RBFOX1: variants seen among roughly 807,000 people sequenced by gnomAD.
The protein encoded by RBFOX1 is RNA binding protein fox-1 homolog 1.
In RBFOX1, 8 loss-of-function variants were observed where a neutral mutation model predicts 57.7. That is an observed-to-expected ratio of 0.14 (90% CI 0.08 to 0.25). The LOEUF is 0.25. RBFOX1 is among the 10% of genes least tolerant of loss of function. The pLI is 1.00. For missense variants in RBFOX1, 611 were observed against 548.5 expected, an observed-to-expected ratio of 1.11 and a Z score of -1.14; for synonymous variants, 326 against 222.4, an observed-to-expected ratio of 1.47 and a Z score of -4.15.
chr16:7,138,100 T>G (rs898168007), intron 4 of RBFOX1, among the ~76,000 whole-genome samples: 6 of 152,082 alleles, frequency 3.9e-5, no homozygotes, highest in African/African-American at 1.4e-4. Context: ...ACTCAGAGAT[T>G]CGTATCACAG....
intron 3 of RBFOX1, among the ~76,000 whole-genome samples, chr16:6,843,288 C>T (rs977011548): frequency 2.0e-5 from 3 of 151,904 alleles, no homozygotes; most frequent in African/African-American, 7.3e-5. Flanking sequence ...AAGGATGTCA[C>T]ACAGAGTGGC....
At chr16:5,654,674 C>G (rs925903223) in intron 3 of RBFOX1, among the ~76,000 whole-genome samples, 2 of 152,120 alleles carry the variant, frequency 1.3e-5, no homozygotes, top group African/African-American at 2.4e-5. Flanking sequence ...CATGACAGTC[C>G]GAGACTGACC....
chr16:7,021,885 T>C (rs948143223), intron 3 of RBFOX1, among the ~76,000 whole-genome samples: 9 of 120,526 alleles, frequency 7.5e-5, no homozygotes, highest in African/African-American at 3.1e-4. Context: ...TTCTCTCTCT[T>C]TCTTTCTTTC....
At chr16:7,608,755 T>C (rs1289893468) in intron 10 of RBFOX1, among the ~76,000 whole-genome samples, 2 of 152,234 alleles carry the variant, frequency 1.3e-5, no homozygotes, top group Non-Finnish European at 2.9e-5. Flanking sequence ...TTATTAGAAT[T>C]AAATGGGTTA....
At position 7,000,660 on chromosome 16, in the gene RBFOX1, A is replaced by C. The variant is rs1231801438; in HGVS notation, c.-15-51397A>C. 4.9e-5 allele frequency among the ~76,000 whole-genome samples: 6 copies of C among 121,668 alleles called. No individual in the cohort carries two copies. In the South Asian group the frequency reaches 1.1e-3, roughly 23 times the overall value. The allele number at this position is 121,668 out of a possible 152,430, so 79.8% of individuals were successfully genotyped here. On this transcript the variant is annotated intron_variant, in intron 3 of 15. Transcript: ENST00000550418. ...TCCTCTGTCGCCCAGGCTGGAGTGC[A>C]GTGGCATGATCTCGGCTCACTGCAA...
chr16:6,315,089 A>T (rs181606094), intron 1 of RBFOX1, among the ~76,000 whole-genome samples: 1 of 152,248 alleles, frequency 6.6e-6, no homozygotes, highest in African/African-American at 2.4e-5. Flanking sequence ...ACTTTGTGCT[A>T]AGCACAATGC....
intron 3 of RBFOX1, among the ~76,000 whole-genome samples, chr16:5,862,800 G>A (rs2057254859): frequency 6.6e-6 from 1 of 152,158 alleles, no homozygotes; most frequent in South Asian, 2.1e-4. Flanking sequence ...CCCTATAAAA[G>A]TTATACAGGG....
At chr16:5,693,148 C>A (rs1288871123) in intron 3 of RBFOX1, among the ~76,000 whole-genome samples, 3 of 152,106 alleles carry the variant, frequency 2.0e-5, no homozygotes, top group Non-Finnish European at 4.4e-5. Flanking sequence ...CTGTGAAGCA[C>A]ACAATCCTTC....
chr16:5,675,292 A>C lies in RBFOX1; in HGVS notation c.318+76331A>C, dbSNP rs188432448. On this transcript the variant is annotated intron_variant, in intron 3 of 19. Coordinates refer to the RBFOX1 transcript ENST00000641259. ...GAAAACACATTTTTGGGTTGTAAGG[A>C]ACAGAAGAAGGGATGAACCAGCCCA... Among the ~76,000 whole-genome samples, 857 of 152,274 alleles carry C rather than the reference A, an allele frequency of 5.6e-3. 3 individuals carry two copies. The highest frequency in any genetic ancestry group is 9.5e-3 in the Non-Finnish European group (647 of 68,018).
intron 4 of RBFOX1, among the ~76,000 whole-genome samples, chr16:5,995,148 T>C (rs538202379): frequency 6.6e-6 from 1 of 152,256 alleles, no homozygotes. Flanking sequence ...TTAAGTGTTT[T>C]AAAAACAACT....
intron 3 of RBFOX1, among the ~76,000 whole-genome samples, chr16:6,790,199 T>TTATTATTAC (rs1185066756): frequency 6.7e-6 from 1 of 149,404 alleles, no homozygotes; most frequent in African/African-American, 2.4e-5. Flanking sequence ...ATTATTATTA[T>TTATTATTAC]TTTATGACAG....
chr16:5,258,994 T>G (rs1281644194), intron 1 of RBFOX1, among the ~76,000 whole-genome samples: 1 of 151,970 alleles, frequency 6.6e-6, no homozygotes, highest in Admixed American at 6.6e-5. Flanking sequence ...TCCTTAATGT[T>G]AGCCCCCTCC....
At chr16:6,988,730 A>G (rs534322642) in intron 3 of RBFOX1, among the ~76,000 whole-genome samples, 1 of 92,468 alleles carries the variant, frequency 1.1e-5, no homozygotes, top group South Asian at 4.0e-4. Context: ...ACACCCAGCT[A>G]ATTTTTTTTT....
intron 3 of RBFOX1, among the ~76,000 whole-genome samples, chr16:6,916,680 C>G (rs2073242676): frequency 2.6e-5 from 4 of 152,012 alleles, no homozygotes; most frequent in South Asian, 4.1e-4. Context: ...GTCCTTTTAC[C>G]TCTCATTGGC....
intron 3 of RBFOX1, among the ~76,000 whole-genome samples, chr16:7,011,161 C>T (rs1309746921): frequency 6.6e-6 from 1 of 151,552 alleles, no homozygotes; most frequent in East Asian, 1.9e-4. Flanking sequence ...AAACTGCAGA[C>T]AGATTTGGAT....
intron 3 of RBFOX1, among the ~76,000 whole-genome samples, chr16:5,677,324 C>G (rs370835249): frequency 7.2e-5 from 11 of 152,198 alleles, no homozygotes; most frequent in African/African-American, 2.4e-4. Context: ...TGCATATTCA[C>G]ATTTTAGTTA....
At chr16:7,392,384 G>A (rs868239348) in intron 4 of RBFOX1, among the ~76,000 whole-genome samples, 40 of 152,118 alleles carry the variant, frequency 2.6e-4, no homozygotes, top group African/African-American at 8.9e-4. Context: ...AGGAGTAATA[G>A]CTACTTGAGG....
chr16:7,701,556 C>G (rs1391541007), intron 14 of RBFOX1, among the ~76,000 whole-genome samples: 1 of 152,176 alleles, frequency 6.6e-6, no homozygotes, highest in East Asian at 1.9e-4. Flanking sequence ...GAAAAACTGT[C>G]TTCTACAAAA....
chr16:7,399,881 A>T (rs988753820), intron 4 of RBFOX1, among the ~76,000 whole-genome samples: 3 of 152,218 alleles, frequency 2.0e-5, no homozygotes, highest in Non-Finnish European at 2.9e-5. Flanking sequence ...CCTTGCATGG[A>T]GAAACAGTTC....
Sources: gnomAD v4.1 joint callset for allele counts (sites outside exome capture counted in the v4.1 genomes callset) on GRCh38, gnomAD v4.1.1 for gene constraint, MANE v1.5 for transcripts, NCBI Gene and HGNC (gene_info 2026-07-23, HGNC 2026-07-21) for gene names.